TAX1BP1: variants seen among roughly 807,000 people sequenced by gnomAD.
TAX1BP1 encodes tax1-binding protein 1.
A neutral mutation model predicts 97.7 loss-of-function variants in TAX1BP1; 62 were observed. The observed-to-expected ratio is 0.63, with a 90% CI of 0.52 to 0.78. The LOEUF (loss-of-function observed/expected upper bound fraction) is 0.78, where lower values mean the gene tolerates loss of function less well. Ranked by LOEUF, TAX1BP1 falls within the 30% of genes least tolerant of loss-of-function variation. The pLI is 0.00. For missense variants in TAX1BP1, 867 were observed against 916.1 expected, an observed-to-expected ratio of 0.95 and a Z score of 0.69; for synonymous variants, 340 against 304.2, an observed-to-expected ratio of 1.12 and a Z score of -1.23.
intron 15 of TAX1BP1, among the ~76,000 whole-genome samples, chr7:27,820,304 A>T (rs957316085): frequency 5.3e-5 from 8 of 152,098 alleles, no homozygotes; most frequent in Non-Finnish European, 1.0e-4. Context: ...CTTCACTGTG[A>T]ACCCCTAAAC....
intron 3 of TAX1BP1, among the ~76,000 whole-genome samples, chr7:27,760,418 C>A (rs1388815219): frequency 4.9e-5 from 7 of 142,936 alleles, no homozygotes; most frequent in Non-Finnish European, 7.6e-5. Flanking sequence ...TTTGAGACGG[C>A]TTCTTGCTCT....
chr7:27,760,487 A>G (rs1415602600), intron 3 of TAX1BP1, among the ~76,000 whole-genome samples: 2 of 147,350 alleles, frequency 1.4e-5, no homozygotes, highest in Non-Finnish European at 3.0e-5. Flanking sequence ...CCGCCTCCTT[A>G]GTTTTCGCCA....
chr7:27,809,412 TA>T, intron 13 of TAX1BP1, among the ~76,000 whole-genome samples: 1 of 152,352 alleles, frequency 6.6e-6, no homozygotes, highest in South Asian at 2.1e-4. Flanking sequence ...AGTTAGAAGT[TA>T]GTGAATAGAT....
At chr7:27,794,542 AAATTTTCATGTGAT>A in intron 11 of TAX1BP1, 96 bp downstream of exon 11, 4 of 1,350,836 alleles carry the variant, frequency 3.0e-6, no homozygotes, top group Non-Finnish European at 4.0e-6. Context: ...ATGTTCATAA[AAATTTTCATGTGAT>A]AAGTGAAGGA....
intron 5 of TAX1BP1, among the ~76,000 whole-genome samples, chr7:27,782,443 T>G (rs1383323721): frequency 6.6e-6 from 1 of 151,942 alleles, no homozygotes; most frequent in Non-Finnish European, 1.5e-5. Flanking sequence ...AGAGATGGGA[T>G]TTCACCATGT....
intron 1 of TAX1BP1, among the ~76,000 whole-genome samples, chr7:27,745,951 T>G (rs1318289582): frequency 6.6e-6 from 1 of 152,086 alleles, no homozygotes; most frequent in African/African-American, 2.4e-5. Flanking sequence ...AATACATATA[T>G]GTATACCTAT....
intron 8 of TAX1BP1, among the ~76,000 whole-genome samples, chr7:27,789,194 C>T (rs1041258638): frequency 2.0e-5 from 3 of 152,004 alleles, no homozygotes; most frequent in South Asian, 2.1e-4. Flanking sequence ...TGTATAGAAA[C>T]GCCATGTTCA....
At chr7:27,755,842 T>C (rs1488700700) in intron 2 of TAX1BP1, among the ~76,000 whole-genome samples, 1 of 152,168 alleles carries the variant, frequency 6.6e-6, no homozygotes, top group Non-Finnish European at 1.5e-5. Flanking sequence ...CTAGAAGCAA[T>C]GTATTTTGGC....
intron 1 of TAX1BP1, among the ~76,000 whole-genome samples, chr7:27,747,447 CTTTTAT>C (rs763133158): frequency 2.0e-5 from 3 of 152,138 alleles, no homozygotes; most frequent in African/African-American, 4.8e-5. Context: ...TAACACTACA[CTTTTAT>C]TTTTATTTTT....
At chr7:27,745,362 G>A (rs986748261) in intron 1 of TAX1BP1, among the ~76,000 whole-genome samples, 1 of 152,180 alleles carries the variant, frequency 6.6e-6, no homozygotes, top group African/African-American at 2.4e-5. Flanking sequence ...GCTTGCCTAA[G>A]TCTGTTATCT....
chr7:27,756,502 G>A (rs1167239549), intron 2 of TAX1BP1, among the ~76,000 whole-genome samples: 2 of 152,024 alleles, frequency 1.3e-5, no homozygotes, highest in African/African-American at 4.8e-5. Context: ...CTAAATACAG[G>A]GATGAACTCA....
intron 11 of TAX1BP1, among the ~76,000 whole-genome samples, chr7:27,795,276 A>G (rs1789876464): frequency 1.3e-5 from 2 of 152,074 alleles, no homozygotes; most frequent in Admixed American, 1.3e-4. Context: ...TTACTTAATA[A>G]AGACTTAGTG....
rs1182087202 is a variant in TAX1BP1, at chr7:27,828,754, T to A, written c.2295T>A (p.Pro765=). The A allele has an allele frequency of 3.1e-6, 5 of 1,613,762 alleles. No individual in the cohort carries two copies. In the African/African-American group the frequency reaches 6.7e-5, roughly 22 times the overall value. ...GCCCGATGTGCAGCGAGCAGTTCCC[T>A]CCTGACTATGACCAGCAGGTGTTTG... is the stretch of plus-strand genomic sequence containing the variant. The part of the protein sequence containing the change: ...KVCPMCSEQF[P]PDYDQQVFER... The change falls in exon 17 of 17, where the codon CCT becomes CCA. Residue 765 remains proline (P), a synonymous_variant. Coordinates refer to ENST00000396319, the MANE Select transcript of TAX1BP1 (RefSeq NM_006024.7).
chr7:27,796,510 C>T lies in TAX1BP1; in HGVS notation c.1638+291C>T, dbSNP rs755348494. On this transcript the variant is annotated intron_variant, in intron 12 of 16. Coordinates refer to ENST00000396319, the MANE Select transcript of TAX1BP1 (RefSeq NM_006024.7). Reference sequence around the variant, plus strand: ...ATTGAGGTTAGAAATTATCTGTCATCGTATAAAGATGCATGAAAAATATTT... The same window carrying T: ...ATTGAGGTTAGAAATTATCTGTCATTGTATAAAGATGCATGAAAAATATTT... Among the ~76,000 whole-genome samples, 63 of 152,104 alleles carry T rather than the reference C, an allele frequency of 4.1e-4. 2 individuals carry two copies. Among genetic ancestry groups the T allele is most frequent in the South Asian group, 2.1e-4 (1 of 4,826 alleles).
intron 2 of TAX1BP1, among the ~76,000 whole-genome samples, chr7:27,754,161 C>T (rs1256018193): frequency 6.6e-6 from 1 of 152,086 alleles, no homozygotes; most frequent in Non-Finnish European, 1.5e-5. Context: ...TCAAGCACAT[C>T]AAAAACTAAG....
chr7:27,790,174 T>C (rs2128317455), intron 8 of TAX1BP1, among the ~76,000 whole-genome samples: 1 of 152,124 alleles, frequency 6.6e-6, no homozygotes, highest in Admixed American at 6.5e-5. Flanking sequence ...TTTTTTCCTT[T>C]TAAAAAAATT....
chr7:27,740,024 T>C (rs1275499080), upstream of TAX1BP1: 1 of 152,184 alleles, frequency 6.6e-6, no homozygotes, highest in Non-Finnish European at 1.5e-5. Context: ...ACCCGCGGGA[T>C]GAGGCGTCCC....
chr7:27,816,446 G>A lies in TAX1BP1; in HGVS notation c.1862G>A (p.Gly621Asp), dbSNP rs1386927117. Reference sequence around the variant, plus strand: ...TTCAAAACATGCTCAGAGCAAAATGGTTATGTTCTCACATTGTCAAATGCA... The same window carrying A: ...TTCAAAACATGCTCAGAGCAAAATGATTATGTTCTCACATTGTCAAATGCA... ...QCFKTCSEQNGYVLTLSNAQP... is the reference protein window; with the variant it reads ...QCFKTCSEQNDYVLTLSNAQP... The change falls in exon 14 of 17, where the codon GGT (glycine) becomes GAT (aspartate). Residue 621 changes from glycine (G) to aspartate (D), a missense_variant. Coordinates refer to ENST00000396319, the MANE Select transcript of TAX1BP1 (RefSeq NM_006024.7). 4 of 1,567,474 alleles carry A rather than the reference G, an allele frequency of 2.6e-6. No homozygotes were observed. Among genetic ancestry groups the A allele is most frequent in the African/African-American group, 1.4e-5 (1 of 71,388 alleles).
At chr7:27,808,254 C>A (rs1410158370) in intron 13 of TAX1BP1, among the ~76,000 whole-genome samples, 1 of 152,176 alleles carries the variant, frequency 6.6e-6, no homozygotes, top group African/African-American at 2.4e-5. Flanking sequence ...ACACAAAAAA[C>A]TATGAGTAAA....
Sources: allele counts gnomAD v4.1 joint callset (sites outside exome capture counted in the v4.1 genomes callset), GRCh38; gene constraint gnomAD v4.1.1; transcripts MANE v1.5; gene names NCBI Gene and HGNC (gene_info 2026-07-23, HGNC 2026-07-21).